PNPLA7: variants seen among roughly 807,000 people sequenced by gnomAD.
PNPLA7 encodes the protein patatin like domain 7, lysophospholipase, also known as patatin-like phospholipase domain-containing protein 7.
In PNPLA7, 153 loss-of-function variants were observed where a neutral mutation model predicts 161.7. The observed-to-expected ratio is 0.95, with a 90% CI of 0.83 to 1.08. The LOEUF (loss-of-function observed/expected upper bound fraction) is 1.08. Ranked by LOEUF, PNPLA7 falls within the 50% of genes least tolerant of loss-of-function variation. The pLI is 0.00. For synonymous variants in PNPLA7, 809 were observed against 782.1 expected (o/e 1.03, Z -0.57); for missense variants, 1,739 against 1,856.6 (o/e 0.94, Z 1.16).
rs993114750 is a variant in PNPLA7, at chr9:137,540,437, C to T, written c.747+205G>A. Among the ~76,000 whole-genome samples, 9 of 152,262 alleles carry T rather than the reference C, an allele frequency of 5.9e-5. No individual in the cohort carries two copies. The highest frequency in any genetic ancestry group is 2.2e-4 in the African/African-American group (9 of 41,482). ...AAGAGACAACCAAAACCGTTAGCCA[C>T]ATGCCCGGCTATTCTTCAACGCACT... On this transcript the variant is annotated intron_variant, in intron 8 of 34. Coordinates refer to ENST00000406427, the MANE Select transcript of PNPLA7 (RefSeq NM_001098537.3). This position sits in a 1 kb window ranked among gnomAD's most constrained non-coding sequence, Gnocchi z 5.1.
chr9:137,481,893 G>A (rs867773658), intron 21 of PNPLA7, among the ~76,000 whole-genome samples: 16 of 152,276 alleles, frequency 1.1e-4, no homozygotes, highest in Admixed American at 3.9e-4. Flanking sequence ...CTGAGATCGC[G>A]CCACTGCACT....
At position 137,523,842 on chromosome 9, in the gene PNPLA7, G is replaced by A. The variant is rs777197174; in HGVS notation, c.748-985C>T. 6.6e-6 allele frequency among the ~76,000 whole-genome samples: 1 copy of A among 152,130 alleles called. No homozygotes were observed. The highest frequency in any genetic ancestry group is 1.5e-5 in the Non-Finnish European group (1 of 68,036). ...AGACAGGGTTTCACTGTGTTAGCCA[G>A]GAGGGTCTCGATCTCCTGACCTCGT... On this transcript the variant is annotated intron_variant, in intron 8 of 34. Coordinates refer to ENST00000406427, the MANE Select transcript of PNPLA7 (RefSeq NM_001098537.3). This position sits in a 1 kb window ranked among gnomAD's most constrained non-coding sequence, Gnocchi z 4.4.
intron 14 of PNPLA7, 106 bp downstream of exon 14, chr9:137,505,508 T>C: frequency 7.3e-7 from 1 of 1,363,018 alleles, no homozygotes. Flanking sequence ...AACACCTCCT[T>C]TGCAGCCACT....
At chr9:137,477,513 G>A (rs1047442682) in intron 25 of PNPLA7, among the ~76,000 whole-genome samples, 1 of 151,944 alleles carries the variant, frequency 6.6e-6, no homozygotes, top group Non-Finnish European at 1.5e-5. Context: ...GTAGTGGTAC[G>A]ATCTTGGCTC....
chr9:137,549,680 C>T (rs1836745056), intron 1 of PNPLA7, among the ~76,000 whole-genome samples: 1 of 151,626 alleles, frequency 6.6e-6, no homozygotes, highest in Admixed American at 6.6e-5. Flanking sequence ...CCCAGCTACC[C>T]GGGAGGCTGA....
chr9:137,502,685 A>AGGGGGACGAGGGGGACGGGGGGGACGG (rs1554767734), intron 14 of PNPLA7, among the ~76,000 whole-genome samples: 1 of 440 alleles, frequency 2.3e-3, no homozygotes, highest in Non-Finnish European at 3.9e-3. Flanking sequence ...TCGGGAGATG[A>AGGGGGACGAGGGGGACGGGGGGGACGG]GGGGGACGGG....
chr9:137,472,382 A>G (rs983654218), intron 25 of PNPLA7, among the ~76,000 whole-genome samples: 6 of 151,910 alleles, frequency 3.9e-5, no homozygotes, highest in Non-Finnish European at 7.4e-5. Flanking sequence ...TTCTTTATAA[A>G]TTACAAGCCT....
At chr9:137,548,785 AG>A (rs1421030907) in intron 1 of PNPLA7, among the ~76,000 whole-genome samples, 7 of 152,206 alleles carry the variant, frequency 4.6e-5, no homozygotes, top group Admixed American at 1.3e-4. Context: ...AAGAGCACTC[AG>A]AAACGCATTT....
Position 137,523,881 on chromosome 9 carries a change from C to T in PNPLA7, c.748-1024G>A, listed in dbSNP as rs1024627156. Reference sequence around the variant, plus strand: ...TCCTGACCTCGTGATCCGCCCACCTCGGCCTCCCAAAGTGCTGGGATTACC... The same window carrying T: ...TCCTGACCTCGTGATCCGCCCACCTTGGCCTCCCAAAGTGCTGGGATTACC... On this transcript the variant is annotated intron_variant, in intron 8 of 34. Coordinates refer to ENST00000406427, the MANE Select transcript of PNPLA7 (RefSeq NM_001098537.3). The surrounding 1 kb of genome is among the most constrained non-coding windows in gnomAD (Gnocchi z 4.4). Among the ~76,000 whole-genome samples the T allele has an allele frequency of 3.3e-5, 5 of 152,172 alleles. No homozygotes were observed. Among genetic ancestry groups the T allele is most frequent in the Admixed American group, 3.3e-4 (5 of 15,276 alleles).
intron 32 of PNPLA7, 131 bp from the exon 33 acceptor site, chr9:137,461,751 AG>A: frequency 8.3e-7 from 1 of 1,209,328 alleles, no homozygotes; most frequent in Admixed American, 2.4e-5. Context: ...AAGTAAGGGC[AG>A]GGACCGGGGA....
At chr9:137,473,620 C>T (rs573551218) in intron 25 of PNPLA7, among the ~76,000 whole-genome samples, 1 of 152,244 alleles carries the variant, frequency 6.6e-6, no homozygotes, top group South Asian at 2.1e-4. Flanking sequence ...AAGACAAAAA[C>T]CTATTACAAA....
chr9:137,504,799 G>A (rs538019700), intron 14 of PNPLA7, among the ~76,000 whole-genome samples: 1 of 152,306 alleles, frequency 6.6e-6, no homozygotes, highest in African/African-American at 2.4e-5. Context: ...TAGGAGTACA[G>A]CTGTAAAGTG....
rs115291691 is a variant in PNPLA7, at chr9:137,496,050, G to A, written c.2014-904C>T. On this transcript the variant is annotated intron_variant, in intron 18 of 34. Coordinates refer to ENST00000406427, the MANE Select transcript of PNPLA7 (RefSeq NM_001098537.3). Reference sequence around the variant, plus strand: ...CAACACGGCACCTCCGACCTCAGAGGCTGCCTGAAGGCCACGCTGTCCCCA... The same window carrying A: ...CAACACGGCACCTCCGACCTCAGAGACTGCCTGAAGGCCACGCTGTCCCCA... Among the ~76,000 whole-genome samples the A allele has an allele frequency of 9.7e-3, 1,470 of 152,074 alleles. 24 individuals carry two copies. Among genetic ancestry groups the A allele is most frequent in the African/African-American group, 0.033 (1,362 of 41,496 alleles).
At chr9:137,516,640 C>T (rs1023225948) in intron 11 of PNPLA7, 16 of 473,310 alleles carry the variant, frequency 3.4e-5, no homozygotes, top group Non-Finnish European at 4.4e-5. Context: ...AAGATGCCAT[C>T]TTTACAAAAA....
In PNPLA7 at chr9:137,493,018, ACAGGTCCCT is replaced by A; in HGVS notation, c.2183_2191del (p.Gln728_Val731delinsLeu). 6.2e-7 allele frequency: 1 copy of A among 1,613,546 alleles called. No homozygotes were observed. The highest frequency in any genetic ancestry group is 1.3e-5 in the African/African-American group (1 of 75,006). ...GGTTGGGAGAGGTGACCCACCTGTCACAGGTCCCTGCTGGAGGCTGCCCAGGATCTTCTC... is the reference window on the plus strand; with the variant it reads ...GGTTGGGAGAGGTGACCCACCTGTCAGCTGGAGGCTGCCCAGGATCTTCTC... On this transcript the variant is annotated inframe_deletion, in exon 20 of 35. Coordinates refer to ENST00000406427, the MANE Select transcript of PNPLA7 (RefSeq NM_001098537.3).
chr9:137,505,620 C>T lies in PNPLA7; in HGVS notation c.1467G>A (p.Lys489=). 1 of 1,613,968 alleles carries T rather than the reference C, an allele frequency of 6.2e-7. No individual in the cohort carries two copies. Among genetic ancestry groups the T allele is most frequent in the Non-Finnish European group, 8.5e-7 (1 of 1,180,002 alleles). Residue 489 remains lysine, a synonymous_variant, in exon 14 of 35, where the codon AAG becomes AAA. Transcript: ENST00000406427. ...AAKKDLLTLM[K]LEDSSLLDGR... Reference sequence around the variant, plus strand: ...GCCCGCCGGGGCCACTCACTTCCAGCTTCATCAGGGTGAGCAGGTCCTTCT... The same window carrying T: ...GCCCGCCGGGGCCACTCACTTCCAGTTTCATCAGGGTGAGCAGGTCCTTCT...
At chr9:137,548,507 T>C (rs1454454073) in intron 1 of PNPLA7, among the ~76,000 whole-genome samples, 6 of 152,168 alleles carry the variant, frequency 3.9e-5, no homozygotes, top group Non-Finnish European at 8.8e-5. Flanking sequence ...CCCAGCACTT[T>C]GGGAGGCTGA....
intron 20 of PNPLA7, chr9:137,492,215 C>T (rs1005097553): frequency 1.0e-5 from 10 of 985,112 alleles, no homozygotes; most frequent in Admixed American, 6.2e-5. Context: ...CTAAATTCCC[C>T]ACACTCTAGA....
intron 28 of PNPLA7, among the ~76,000 whole-genome samples, chr9:137,463,789 C>T (rs1347229203): frequency 2.6e-5 from 4 of 152,042 alleles, no homozygotes; most frequent in Admixed American, 6.6e-5. Context: ...ACCCCATGAC[C>T]GAGTGAACCC....
Sources: allele counts gnomAD v4.1 joint callset (sites outside exome capture counted in the v4.1 genomes callset), GRCh38; gene constraint gnomAD v4.1.1; non-coding constraint Gnocchi (gnomAD v3.1); transcripts MANE v1.5; gene names NCBI Gene and HGNC (gene_info 2026-07-23, HGNC 2026-07-21).